Variants in ENTHD1 observed in about 807,000 individuals in gnomAD.
ENTHD1 encodes ENTH domain-containing protein 1.
In ENTHD1, 23 loss-of-function variants were observed where a neutral mutation model predicts 39.1. The ratio of observed to expected loss-of-function variants is 0.59; its 90% CI spans 0.42 to 0.83. The LOEUF (loss-of-function observed/expected upper bound fraction) is 0.83. ENTHD1 is among the 40% of genes least tolerant of loss of function. The pLI, the probability that ENTHD1 is intolerant of heterozygous loss-of-function variation, is 0.00. For synonymous variants in ENTHD1, 230 were observed against 258.2 expected (o/e 0.89, Z 1.05); for missense variants, 624 against 705.4 (o/e 0.88, Z 1.31).
chr22:39,798,240 T>C (rs2065566835), intron 5 of ENTHD1, among the ~76,000 whole-genome samples: 1 of 152,112 alleles, frequency 6.6e-6, no homozygotes, highest in South Asian at 2.1e-4. Context: ...TGAAGCTCTT[T>C]AATAACTTTT....
At chr22:39,756,316 TCACACACACA>T (rs924008247) in intron 6 of ENTHD1, among the ~76,000 whole-genome samples, 2 of 138,012 alleles carry the variant, frequency 1.4e-5, no homozygotes. Flanking sequence ...TCTCTCTCTC[TCACACACACA>T]CACACACACA....
At position 39,875,746 on chromosome 22, in the gene ENTHD1, C is replaced by G. The variant is rs1489156275; in HGVS notation, c.349+11654G>C. ...CTGATGTGTTGGCCCTGGCGAAAATCGAAATCAAGTTATCCGATATTCCAG... is the reference window on the plus strand; with the variant it reads ...CTGATGTGTTGGCCCTGGCGAAAATGGAAATCAAGTTATCCGATATTCCAG... On this transcript the variant is annotated intron_variant, in intron 2 of 6. Transcript: ENST00000325157. 1.1e-5 allele frequency: 18 copies of G among 1,613,108 alleles called. No homozygotes were observed. The East Asian group carries it at 1.8e-4, about 16-fold the overall frequency.
intron 2 of ENTHD1, among the ~76,000 whole-genome samples, chr22:39,864,341 CTT>C (rs2066167762): frequency 1.3e-5 from 2 of 152,234 alleles, no homozygotes; most frequent in African/African-American, 4.8e-5. Flanking sequence ...GCCAGGAACT[CTT>C]TGTGTGGCTC....
At chr22:39,817,647 T>C (rs886375140) in intron 5 of ENTHD1, among the ~76,000 whole-genome samples, 2 of 152,106 alleles carry the variant, frequency 1.3e-5, no homozygotes, top group Admixed American at 1.3e-4. Flanking sequence ...TTTCTCTGTA[T>C]TTGAATTTTT....
intron 3 of ENTHD1, among the ~76,000 whole-genome samples, chr22:39,856,888 G>T (rs1601646001): frequency 6.7e-6 from 1 of 149,016 alleles, no homozygotes; most frequent in Admixed American, 6.7e-5. Flanking sequence ...AAAAGGAAAA[G>T]AAAAAGCACA....
intron 3 of ENTHD1, among the ~76,000 whole-genome samples, chr22:39,838,015 CA>C: frequency 1.3e-5 from 2 of 152,132 alleles, no homozygotes; most frequent in Admixed American, 1.3e-4. Flanking sequence ...AAATATTTTC[CA>C]AAAATTGAAT....
At chr22:39,770,453 A>G (rs2065312470) in intron 5 of ENTHD1, among the ~76,000 whole-genome samples, 1 of 152,104 alleles carries the variant, frequency 6.6e-6, no homozygotes, top group Admixed American at 6.6e-5. Context: ...CTCTCTTAAC[A>G]TTAGCACCCG....
chr22:39,772,865 G>A (rs768243764), intron 5 of ENTHD1, among the ~76,000 whole-genome samples: 1 of 152,078 alleles, frequency 6.6e-6, no homozygotes, highest in Non-Finnish European at 1.5e-5. Context: ...TGAGACCATG[G>A]TATTAGTAGA....
Position 39,795,772 on chromosome 22 carries a change from T to C in ENTHD1, c.832+25221A>G, listed in dbSNP as rs188927825. Among the ~76,000 whole-genome samples the C allele has an allele frequency of 3.8e-3, 572 of 152,122 alleles. 6 individuals are homozygous for C. Among genetic ancestry groups the C allele is most frequent in the African/African-American group, 0.012 (504 of 41,500 alleles). On this transcript the variant is annotated intron_variant, in intron 5 of 6. Coordinates refer to ENST00000325157, the MANE Select transcript of ENTHD1 (RefSeq NM_152512.4). ...TTCAATATTGTTACTCACTATCAGT[T>C]TGTTCATATTTTTGGCTTCTTCCTG...
chr22:39,816,942 C>CTA (rs934304279), intron 5 of ENTHD1, among the ~76,000 whole-genome samples: 4 of 150,162 alleles, frequency 2.7e-5, no homozygotes, highest in African/African-American at 9.8e-5. Flanking sequence ...ATATATATCT[C>CTA]TATATATATA....
At chr22:39,840,761 T>G (rs1236361934) in intron 3 of ENTHD1, among the ~76,000 whole-genome samples, 1 of 122,348 alleles carries the variant, frequency 8.2e-6, no homozygotes, top group Non-Finnish European at 1.8e-5. Flanking sequence ...TTAAGCATCT[T>G]TTTTTTTTTT....
chr22:39,761,457 G>A (rs1402955020), intron 6 of ENTHD1, among the ~76,000 whole-genome samples: 1 of 152,072 alleles, frequency 6.6e-6, no homozygotes. Context: ...TTTTGGATCT[G>A]AAAGTTTATT....
At chr22:39,853,648 ACTGCAACGT>A (rs2066062411) in intron 3 of ENTHD1, among the ~76,000 whole-genome samples, 1 of 152,176 alleles carries the variant, frequency 6.6e-6, no homozygotes. Context: ...ATCTCAGCTC[ACTGCAACGT>A]CTGCCTCCCA....
chr22:39,771,071 G>A lies in ENTHD1; in HGVS notation c.833-5462C>T, dbSNP rs138622275. Among the ~76,000 whole-genome samples the A allele has an allele frequency of 3.2e-3, 489 of 152,172 alleles. 10 individuals are homozygous for A. Among genetic ancestry groups the A allele is most frequent in the African/African-American group, 0.011 (464 of 41,518 alleles). On this transcript the variant is annotated intron_variant, in intron 5 of 6. Transcript: ENST00000325157. ...CATTTTGGATTTTCAGATTAGGTGTGCTTAAGCTGTACTCTTTTTTTTTGC... is the reference window on the plus strand; with the variant it reads ...CATTTTGGATTTTCAGATTAGGTGTACTTAAGCTGTACTCTTTTTTTTTGC...
Position 39,771,305 on chromosome 22 carries a change from C to T in ENTHD1, c.833-5696G>A, listed in dbSNP as rs549035453. On this transcript the variant is annotated intron_variant, in intron 5 of 6. Transcript: ENST00000325157. ...CTGGAGAGGGAGAAGAGTTAGAAGG[C>T]GGAGAACGCTGGGGAAGTTTGCTGT... 1.6e-4 allele frequency among the ~76,000 whole-genome samples: 24 copies of T among 152,128 alleles called. 1 individual carries two copies. The highest frequency in any genetic ancestry group is 4.8e-4 in the African/African-American group (20 of 41,482).
At position 39,796,277 on chromosome 22, in the gene ENTHD1, C is replaced by A. The variant is rs180782630; in HGVS notation, c.832+24716G>T. 7.1e-4 allele frequency among the ~76,000 whole-genome samples: 108 copies of A among 151,862 alleles called. No individual in the cohort carries two copies. In the Middle Eastern group the frequency reaches 0.01, roughly 14 times the overall value. ...TGTTTCTTTCTTTTTCTTTTCTTTT[C>A]TTTTTCCTTTTTTGAGACAGGGTCT... On this transcript the variant is annotated intron_variant, in intron 5 of 6. Transcript: ENST00000325157.
chr22:39,780,126 G>A (rs2065396608), intron 5 of ENTHD1, among the ~76,000 whole-genome samples: 1 of 152,030 alleles, frequency 6.6e-6, no homozygotes, highest in Middle Eastern at 3.2e-3. Flanking sequence ...GTAACTCCAG[G>A]ACTTTGGGAG....
At chr22:39,875,960 C>T in intron 2 of ENTHD1, 2 of 1,613,918 alleles carry the variant, frequency 1.2e-6, no homozygotes, top group Middle Eastern at 1.7e-4. Context: ...TGGTTGTGTA[C>T]CCATTGCAAA....
chr22:39,891,610 T>G, intron 1 of ENTHD1, among the ~76,000 whole-genome samples: 1 of 149,678 alleles, frequency 6.7e-6, no homozygotes, highest in Non-Finnish European at 1.5e-5. Context: ...CCTAACTAAT[T>G]AAAAAAAAAA....
Sources: allele counts gnomAD v4.1 joint callset (sites outside exome capture counted in the v4.1 genomes callset), GRCh38; gene constraint gnomAD v4.1.1; transcripts MANE v1.5; gene names NCBI Gene and HGNC (gene_info 2026-07-23, HGNC 2026-07-21).